The following KRT82 variants were observed in gnomAD, a reference collection of about 807,000 sequenced individuals.
KRT82 encodes keratin, type II cuticular Hb2.
In KRT82, 44 loss-of-function variants were observed where a neutral mutation model predicts 48.0. That is an observed-to-expected ratio of 0.92 (90% CI 0.72 to 1.18). The LOEUF is 1.18. KRT82 is among the 50% of genes most tolerant of loss of function. The pLI is 0.00. For synonymous variants in KRT82, 297 were observed against 278.3 expected (o/e 1.07, Z -0.67); for missense variants, 701 against 671.4 (o/e 1.04, Z -0.49).
intron 2 of KRT82, among the ~76,000 whole-genome samples, chr12:52,402,651 CTGTT>C (rs956732869): frequency 2.6e-5 from 4 of 152,364 alleles, no homozygotes; most frequent in Middle Eastern, 3.4e-3. Flanking sequence ...CCCTTCTTCT[CTGTT>C]TGTGTGTAGG....
At chr12:52,396,470 T>C (rs113573101) in intron 6 of KRT82, among the ~76,000 whole-genome samples, 1 of 152,324 alleles carries the variant, frequency 6.6e-6, no homozygotes, top group African/African-American at 2.4e-5. Flanking sequence ...GGGGTTAATA[T>C]GTTTTAAATG....
In KRT82 at chr12:52,406,241, C is replaced by G; in HGVS notation, c.37G>C (p.Gly13Arg). The change falls in exon 1 of 9, where the codon GGC (glycine) becomes CGC (arginine). Residue 13 changes from glycine (G) to arginine (R), a missense_variant. Coordinates refer to ENST00000257974, the MANE Select transcript of KRT82 (RefSeq NM_033033.4). ...YHSFQPGSRC[G>R]SQSFSSYSAV... ...GAGTATGAGCTGAAACTCTGACTGC[C>G]ACACCTGGAGCCTGGCTGGAAAGAG... The G allele has an allele frequency of 1.9e-6, 3 of 1,607,798 alleles. No individual in the cohort carries two copies. The highest frequency in any genetic ancestry group is 2.6e-6 in the Non-Finnish European group (3 of 1,176,214).
rs1453352221 is a variant in KRT82, at chr12:52,396,142, C to A, written c.1159G>T (p.Glu387Ter). 6.2e-7 allele frequency: 1 copy of A among 1,614,222 alleles called. No individual in the cohort carries two copies. The highest frequency in any genetic ancestry group is 1.3e-5 in the African/African-American group (1 of 75,056). The part of the protein sequence containing the change: ...DAKCKLAGLE[E>*]ALQKAKQDMA... ...TCCTGCTTGGCCTTCTGCAGAGCCT[C>A]CTCCAGCCCTGCCAGCTTGCACTTG... The change falls in exon 7 of 9, where the codon GAG becomes TAG. Residue 387 changes from glutamate (E) to a stop codon, truncating the protein, a stop_gained. Transcript: ENST00000257974. LOFTEE classifies it high-confidence loss of function.
At position 52,394,641 on chromosome 12, in the gene KRT82, A is replaced by G; in HGVS notation, c.*334T>C. ...GACTTTGTGAGGAAACTTCCATGGGATGATCCACAGAGCAGAACTGTGGTG... is the reference window on the plus strand; with the variant it reads ...GACTTTGTGAGGAAACTTCCATGGGGTGATCCACAGAGCAGAACTGTGGTG... On this transcript the variant is annotated 3_prime_UTR_variant, in exon 9 of 9. Transcript: ENST00000257974. 3.2e-6 allele frequency: 1 copy of G among 314,834 alleles called. No homozygotes were observed. The highest frequency in any genetic ancestry group is 4.9e-5 in the South Asian group (1 of 20,550). The allele number at this position is 314,834 out of a possible 1,614,324, so 19.5% of individuals were successfully genotyped here. A position where few individuals can be genotyped will look rare whatever the true frequency, so the allele number is the denominator to read the frequency against.
At chr12:52,397,654 A>G (rs554422012) in intron 5 of KRT82, among the ~76,000 whole-genome samples, 136 of 152,336 alleles carry the variant, frequency 8.9e-4, no homozygotes, top group African/African-American at 3.1e-3. Context: ...ATGCAAAATG[A>G]GAGATAAGCA....
chr12:52,404,092 G>T (rs866578195), intron 1 of KRT82, among the ~76,000 whole-genome samples, 183 bp from the exon 2 acceptor site: 2 of 152,194 alleles, frequency 1.3e-5, no homozygotes, highest in Non-Finnish European at 2.9e-5. Context: ...TGTCTCCCCT[G>T]CCTGGGAGAG....
At chr12:52,403,293 G>A (rs1252830635) in intron 2 of KRT82, among the ~76,000 whole-genome samples, 2 of 152,182 alleles carry the variant, frequency 1.3e-5, no homozygotes, top group Non-Finnish European at 2.9e-5. Flanking sequence ...ATGCTGACAG[G>A]GGTGTGTCAG....
intron 2 of KRT82, among the ~76,000 whole-genome samples, chr12:52,403,116 G>C (rs1939810546): frequency 6.6e-6 from 1 of 152,210 alleles, no homozygotes; most frequent in African/African-American, 2.4e-5. Context: ...ATCCTCAGGG[G>C]GAGCAAGTGT....
rs772726581 is a variant in KRT82, at chr12:52,395,119, G to A, written c.1398C>T (p.Leu466=). ...CGATGCTGCAGCCCCCATTGCTCCTGAGGACGCCAGTGCTGAGGACAGGCG... is the reference window on the plus strand; with the variant it reads ...CGATGCTGCAGCCCCCATTGCTCCTAAGGACGCCAGTGCTGAGGACAGGCG... The part of the protein sequence containing the change: ...VSTPVLSTGV[L]RSNGGCSIVG... Residue 466 remains leucine, a synonymous_variant, in exon 9 of 9, where the codon CTC becomes CTT. Transcript: ENST00000257974. 1.2e-6 allele frequency: 2 copies of A among 1,614,078 alleles called. No homozygotes were observed. Among genetic ancestry groups the A allele is most frequent in the South Asian group, 2.2e-5 (2 of 91,084 alleles).
rs1341667812 is a variant in KRT82, at chr12:52,399,976, G to A, written c.942+9C>T. The A allele has an allele frequency of 2.5e-6, 4 of 1,610,962 alleles. No individual in the cohort carries two copies. The highest frequency in any genetic ancestry group is 3.4e-6 in the Non-Finnish European group (4 of 1,177,514). ...TCCAGTCTCCCTGCCCCCAACCACA[G>A]GGCCTCACCCGGCACTGGTACCAGG... On this transcript the variant is annotated intron_variant, in intron 5 of 8. Coordinates refer to ENST00000257974, the MANE Select transcript of KRT82 (RefSeq NM_033033.4).
rs1939774968 is a variant in KRT82, at chr12:52,400,543, TTCAGGAAG to T, written c.753_760del (p.Asp251GlufsTer5). On this transcript the variant is annotated frameshift_variant, in exon 4 of 9. Transcript: ENST00000257974. LOFTEE classifies it high-confidence loss of function. ...TGTGGGTACCTCCTCATACAGGCTT[TTCAGGAAG>T]TCGATCTCCTGCACGAGTGCCTCTG... The T allele has an allele frequency of 6.2e-7, 1 of 1,613,840 alleles. No homozygotes were observed. Among genetic ancestry groups the T allele is most frequent in the Non-Finnish European group, 8.5e-7 (1 of 1,179,832 alleles).
chr12:52,399,771 CG>C (rs1164605459), intron 5 of KRT82, among the ~76,000 whole-genome samples: 1 of 152,160 alleles, frequency 6.6e-6, no homozygotes, highest in African/African-American at 2.4e-5. Flanking sequence ...TTGTCCGGGG[CG>C]GGGAGGGGTC....
chr12:52,400,841 T>G (rs1338680253), intron 3 of KRT82, among the ~76,000 whole-genome samples: 2 of 152,138 alleles, frequency 1.3e-5, no homozygotes, highest in South Asian at 4.1e-4. Context: ...GGGGCTTAAA[T>G]GAGCCTTAGC....
chr12:52,395,153 C>T lies in KRT82; in HGVS notation c.1364G>A (p.Gly455Glu), dbSNP rs1211647130. 3.1e-6 allele frequency: 5 copies of T among 1,613,916 alleles called. No individual in the cohort carries two copies. The highest frequency in any genetic ancestry group is 4.2e-6 in the Non-Finnish European group (5 of 1,180,004). ...AGTGCTGAGGACAGGCGTGCTGACC[C>T]CACATGGCTCGTACAGGAAGGCGCC... Reference protein sequence around the residue: ...SKGAFLYEPCGVSTPVLSTGV... With the variant: ...SKGAFLYEPCEVSTPVLSTGV... Residue 455 changes from glycine (G) to glutamate (E), a missense_variant, in exon 9 of 9, where the codon GGG becomes GAG. Physicochemically the swap from Gly to Glu is moderately conservative, Grantham distance 98. Transcript: ENST00000257974.
rs1939702239 is a variant in KRT82, at chr12:52,395,668, G to A, written c.1321+91C>T. The stretch of plus-strand genomic sequence containing the variant: ...TTCCTTTGGGGTAGGGGAGGCATCA[G>A]AGGTCTAGGAAGGGGTGGTGTGGGC... On this transcript the variant is annotated intron_variant, in intron 8 of 8. Transcript: ENST00000257974. The A allele has an allele frequency of 3.2e-6, 3 of 923,244 alleles. No individual in the cohort carries two copies. In the South Asian group the frequency reaches 4.9e-5, roughly 15 times the overall value. 57.2% of individuals were successfully genotyped at this position (923,244 alleles called of 1,614,324 possible).
At position 52,400,167 on chromosome 12, in the gene KRT82, G is replaced by C; in HGVS notation, c.778-18C>G. ...CAGATCTCCTGGGGGCAGGGCCCAT[G>C]TGAGAAGGAGTGAGCTCTCTGAGCG... On this transcript the variant is annotated intron_variant, in intron 4 of 8. Coordinates refer to ENST00000257974, the MANE Select transcript of KRT82 (RefSeq NM_033033.4). 1 of 1,605,478 alleles carries C rather than the reference G, an allele frequency of 6.2e-7. No individual in the cohort carries two copies. The highest frequency in any genetic ancestry group is 8.5e-7 in the Non-Finnish European group (1 of 1,173,992).
In KRT82 at chr12:52,396,872, C is replaced by A; in HGVS notation, c.1068+11G>T. ...TGGCTGTTGCAGCAAGGAAGTCCTC[C>A]CCAGCCTCACCTGGGCTTTGACATT... On this transcript the variant is annotated intron_variant, in intron 6 of 8. Coordinates refer to ENST00000257974, the MANE Select transcript of KRT82 (RefSeq NM_033033.4). 6.2e-7 allele frequency: 1 copy of A among 1,613,672 alleles called. No individual in the cohort carries two copies. The highest frequency in any genetic ancestry group is 8.5e-7 in the Non-Finnish European group (1 of 1,179,950).
At chr12:52,399,220 C>T (rs1939754584) in intron 5 of KRT82, among the ~76,000 whole-genome samples, 1 of 152,210 alleles carries the variant, frequency 6.6e-6, no homozygotes, top group Non-Finnish European at 1.5e-5. Context: ...GTCTAACATA[C>T]ATCCACTGCA....
rs748222527 is a variant in KRT82, at chr12:52,401,325, AC to A, written c.644del (p.Arg215LeufsTer11). 6.2e-7 allele frequency: 1 copy of A among 1,614,070 alleles called. No homozygotes were observed. The highest frequency in any genetic ancestry group is 1.1e-5 in the South Asian group (1 of 91,076). ...KKKYEEELSL[R>X]PCVENEFVAL... ...CAACAAACTCATTCTCAACACAGGG[AC>A]GCAGGGAGAGCTCCTCTTCGTATCT... On this transcript the variant is annotated frameshift_variant, in exon 3 of 9. Transcript: ENST00000257974. LOFTEE classifies it high-confidence loss of function.
Sources: allele counts gnomAD v4.1 joint callset (sites outside exome capture counted in the v4.1 genomes callset), GRCh38; gene constraint gnomAD v4.1.1; transcripts MANE v1.5; gene names NCBI Gene and HGNC (gene_info 2026-07-23, HGNC 2026-07-21).